The following WARS1 variants were observed in gnomAD, a reference collection of about 807,000 sequenced individuals.
WARS1 encodes the protein tryptophanyl-tRNA synthetase 1, also known as tryptophan--tRNA ligase, cytoplasmic.
Under a neutral mutation model 47.8 loss-of-function variants are expected in WARS1, and 17 were observed. The observed-to-expected ratio is 0.36, with a 90% CI of 0.24 to 0.53. The LOEUF (loss-of-function observed/expected upper bound fraction) is 0.53, where lower values mean the gene tolerates loss of function less well. Among genes scored for constraint, WARS1 ranks in the 20% least tolerant of loss-of-function variants. The pLI, the probability that WARS1 is intolerant of heterozygous loss-of-function variation, is 0.91. For synonymous variants in WARS1, 208 were observed against 228.1 expected, an observed-to-expected ratio of 0.91 and a Z score of 0.79; for missense variants, 434 against 608.0, an observed-to-expected ratio of 0.71 and a Z score of 3.01.
At chr14:100,348,659 C>A (rs534739939) in intron 6 of WARS1, among the ~76,000 whole-genome samples, 1 of 152,144 alleles carries the variant, frequency 6.6e-6, no homozygotes, top group Non-Finnish European at 1.5e-5. Context: ...GGACTCACAG[C>A]CAGTAAGGAC....
intron 4 of WARS1, among the ~76,000 whole-genome samples, chr14:100,356,396 T>TCGGG (rs772938654): frequency 1.0e-5 from 1 of 98,820 alleles, no homozygotes; most frequent in Non-Finnish European, 2.2e-5. Flanking sequence ...TGTGTGTGTG[T>TCGGG]GTGGGGGGGG....
At chr14:100,354,631 C>G (rs1895197341) in intron 4 of WARS1, 65 bp from the exon 5 acceptor site, 1 of 1,539,858 alleles carries the variant, frequency 6.5e-7, no homozygotes, top group African/African-American at 1.4e-5. Flanking sequence ...CACTAATGCA[C>G]TTTTGGAAAT....
intron 7 of WARS1, among the ~76,000 whole-genome samples, chr14:100,344,234 C>T (rs1204559216): frequency 6.6e-6 from 1 of 152,134 alleles, no homozygotes; most frequent in African/African-American, 2.4e-5. Context: ...AGGCGCGCGC[C>T]GCCACGCCTG....
chr14:100,347,370 C>G (rs115181738), intron 6 of WARS1, among the ~76,000 whole-genome samples: 1,933 of 152,276 alleles, frequency 0.013, 41 homozygotes, highest in African/African-American at 0.043. Context: ...ACTGCTCCCC[C>G]CTGCTGTTTG....
chr14:100,366,672 T>G (rs1896017186), intron 2 of WARS1: 1 of 778,740 alleles, frequency 1.3e-6, no homozygotes, highest in African/African-American at 1.7e-5. Context: ...AAAATGGAAC[T>G]TCTAGATTAC....
intron 1 of WARS1, among the ~76,000 whole-genome samples, chr14:100,372,983 T>G (rs1896437422): frequency 6.6e-6 from 1 of 152,228 alleles, no homozygotes; most frequent in African/African-American, 2.4e-5. Context: ...ACACCTATGC[T>G]TCTGGGAACA....
intron 4 of WARS1, among the ~76,000 whole-genome samples, chr14:100,356,592 C>T (rs2140017889): frequency 6.6e-6 from 1 of 151,942 alleles, no homozygotes; most frequent in Admixed American, 6.6e-5. Flanking sequence ...GAAACGAACC[C>T]AAGAAGAAAT....
chr14:100,353,261 T>C (rs1895107492), intron 6 of WARS1: 1 of 154,260 alleles, frequency 6.5e-6, no homozygotes, highest in South Asian at 2.0e-4. Flanking sequence ...CATTTTTTTT[T>C]CCTTTTTGAG....
rs973728295 is a variant in WARS1 at position 100,367,250 on chromosome 14, A to T, written c.99+1837T>A. Among the ~76,000 whole-genome samples, 141 of 152,234 alleles carry T rather than the reference A, an allele frequency of 9.3e-4. 1 individual carries two copies. Among genetic ancestry groups the T allele is most frequent in the Middle Eastern group, 6.8e-3 (2 of 294 alleles). ...TCTGTGAAGAGAGAAAACAGAAGAG[A>T]TCAAAGAAATCATGATTTCTGAGAA... On this transcript the variant is annotated intron_variant, in intron 2 of 10. Coordinates refer to ENST00000392882, the MANE Select transcript of WARS1 (RefSeq NM_004184.4).
upstream of WARS1, chr14:100,375,584 G>A (rs964787536): frequency 1.3e-5 from 2 of 152,338 alleles, no homozygotes; most frequent in African/African-American, 4.8e-5. Context: ...ACCCTCTTGA[G>A]AATCGAGCCA....
intron 9 of WARS1, among the ~76,000 whole-genome samples, chr14:100,341,587 G>T (rs1894166816): frequency 6.6e-6 from 1 of 152,328 alleles, no homozygotes; most frequent in East Asian, 1.9e-4. Context: ...ACTGCTTTGT[G>T]TAACAGTGAG....
At chr14:100,340,288 G>A (rs969501479) in intron 9 of WARS1, 3 of 152,478 alleles carry the variant, frequency 2.0e-5, no homozygotes, top group African/African-American at 7.2e-5. Context: ...GGTGGGTATG[G>A]AGCACTGCTG....
At chr14:100,360,694 T>C (rs1160756569) in intron 3 of WARS1, 32 bp from the exon 4 acceptor site, 1 of 1,534,926 alleles carries the variant, frequency 6.5e-7, no homozygotes, top group East Asian at 2.2e-5. Context: ...CTTTCTTAGG[T>C]GGCAGGAGGT....
chr14:100,360,242 C>T (rs1895575520), intron 4 of WARS1, among the ~76,000 whole-genome samples: 1 of 152,210 alleles, frequency 6.6e-6, no homozygotes, highest in South Asian at 2.1e-4. Flanking sequence ...ACATATTATT[C>T]TCTTTTGTTT....
At chr14:100,366,635 G>A (rs1240156056) in intron 2 of WARS1, 8 of 758,866 alleles carry the variant, frequency 1.1e-5, no homozygotes, top group Non-Finnish European at 1.7e-5. Context: ...CATGGCCCAT[G>A]GACATGGACA....
intron 3 of WARS1, among the ~76,000 whole-genome samples, chr14:100,360,999 A>G (rs1214179159): frequency 6.8e-6 from 1 of 147,804 alleles, no homozygotes; most frequent in Non-Finnish European, 1.5e-5. Flanking sequence ...ATAAATAGGT[A>G]TATATATATA....
At chr14:100,360,494 G>A (rs1895593956) in intron 4 of WARS1, 60 bp downstream of exon 4, 6 of 1,382,512 alleles carry the variant, frequency 4.3e-6, no homozygotes, top group African/African-American at 1.5e-5. Context: ...AGTGTCTTAC[G>A]ATTTTTTTGA....
chr14:100,335,323 C>T (rs1893646408), intron 10 of WARS1, among the ~76,000 whole-genome samples: 1 of 152,206 alleles, frequency 6.6e-6, no homozygotes, highest in African/African-American at 2.4e-5. Context: ...GGGGCCATTC[C>T]CCCAGGCACT....
intron 3 of WARS1, among the ~76,000 whole-genome samples, chr14:100,361,370 G>A (rs772271339): frequency 6.6e-6 from 1 of 152,222 alleles, no homozygotes; most frequent in Non-Finnish European, 1.5e-5. Context: ...TGAAACCTAA[G>A]TAATCTATGA....
Sources: gnomAD v4.1 joint callset for allele counts (sites outside exome capture counted in the v4.1 genomes callset) on GRCh38, gnomAD v4.1.1 for gene constraint, MANE v1.5 for transcripts, NCBI Gene and HGNC (gene_info 2026-07-23, HGNC 2026-07-21) for gene names.